ASS1: variants seen among roughly 807,000 people sequenced by gnomAD.
ASS1 encodes argininosuccinate synthase.
A neutral mutation model predicts 60.5 loss-of-function variants in ASS1; 58 were observed. That is an observed-to-expected ratio of 0.96 (90% CI 0.78 to 1.19). ASS1 has a LOEUF of 1.19. Ranked by LOEUF, ASS1 falls within the 50% of genes most tolerant of loss-of-function variation. The probability of loss-of-function intolerance (pLI) is 0.00; values close to 1 mark genes in which losing one functional copy is unlikely to be tolerated. For missense variants in ASS1, 454 were observed against 547.3 expected, an observed-to-expected ratio of 0.83 and a Z score of 1.70; for synonymous variants, 200 against 206.9, an observed-to-expected ratio of 0.97 and a Z score of 0.29.
chr9:130,487,879 T>C (rs1466486026), intron 11 of ASS1, among the ~76,000 whole-genome samples: 1 of 152,106 alleles, frequency 6.6e-6, no homozygotes, highest in Non-Finnish European at 1.5e-5. Context: ...GCCTCCCAAG[T>C]AGCTGGGGCT....
intron 8 of ASS1, among the ~76,000 whole-genome samples, chr9:130,475,773 G>A (rs375643788): frequency 4.0e-5 from 6 of 148,360 alleles, no homozygotes; most frequent in Admixed American, 1.3e-4. Context: ...GTGGGGGGGT[G>A]GGGGACGGAA....
intron 11 of ASS1, among the ~76,000 whole-genome samples, chr9:130,486,851 G>A (rs1284371317): frequency 6.6e-6 from 1 of 152,226 alleles, no homozygotes; most frequent in African/African-American, 2.4e-5. Flanking sequence ...CCAGGAACAC[G>A]GAGCCATGGT....
intron 4 of ASS1, among the ~76,000 whole-genome samples, chr9:130,461,281 C>G (rs1331003027): frequency 6.6e-6 from 1 of 152,194 alleles, no homozygotes; most frequent in Non-Finnish European, 1.5e-5. Context: ...CCACCCCGGA[C>G]CAGCCCACAT....
At chr9:130,456,698 C>T (rs1243607347) in intron 3 of ASS1, among the ~76,000 whole-genome samples, 1 of 152,166 alleles carries the variant, frequency 6.6e-6, no homozygotes, top group Non-Finnish European at 1.5e-5. Context: ...GCTTGTAATC[C>T]TAGCACTTTG....
intron 6 of ASS1, among the ~76,000 whole-genome samples, chr9:130,467,511 GAGCTCTCGCTGC>G (rs1274855634): frequency 1.3e-5 from 2 of 152,146 alleles, no homozygotes; most frequent in Non-Finnish European, 2.9e-5. Flanking sequence ...GGCTGGCTGT[GAGCTCTCGCTGC>G]AGCCAAGGTG....
At chr9:130,492,285 G>A (rs1399179403) in intron 12 of ASS1, among the ~76,000 whole-genome samples, 2 of 152,168 alleles carry the variant, frequency 1.3e-5, no homozygotes, top group Non-Finnish European at 2.9e-5. Context: ...CCAGGCTGAG[G>A]GCACGCCAGG....
At chr9:130,474,517 CGG>C (rs1845966726) in intron 8 of ASS1, among the ~76,000 whole-genome samples, 1 of 152,172 alleles carries the variant, frequency 6.6e-6, no homozygotes, top group Admixed American at 6.5e-5. Context: ...GCCCTCGTAC[CGG>C]CACCCTGGTT....
intron 11 of ASS1, 149 bp downstream of exon 11, chr9:130,480,598 T>C: frequency 1.2e-6 from 1 of 819,602 alleles, no homozygotes; most frequent in Non-Finnish European, 2.0e-6. Context: ...GAGACCGCAG[T>C]TTCCCTCCTG....
chr9:130,486,356 T>C (rs1424908255), intron 11 of ASS1, among the ~76,000 whole-genome samples: 2 of 152,100 alleles, frequency 1.3e-5, no homozygotes, highest in African/African-American at 2.4e-5. Flanking sequence ...CTCCCAAAGT[T>C]CTGGGATTAC....
At chr9:130,467,711 T>G (rs185892759) in intron 6 of ASS1, among the ~76,000 whole-genome samples, 2 of 152,338 alleles carry the variant, frequency 1.3e-5, no homozygotes, top group African/African-American at 4.8e-5. Context: ...GCAGAGCTAT[T>G]AAGGGAGCCG....
intron 4 of ASS1, among the ~76,000 whole-genome samples, chr9:130,463,553 C>G (rs528110158): frequency 1.3e-5 from 2 of 152,310 alleles, no homozygotes; most frequent in East Asian, 3.9e-4. Context: ...CAGTTTCCCT[C>G]TCTGTGCAGA....
Position 130,458,174 on chromosome 9 carries a change from A to G in ASS1, c.175-227A>G, listed in dbSNP as rs543605450. Among the ~76,000 whole-genome samples, 244 of 151,940 alleles carry G rather than the reference A, an allele frequency of 1.6e-3. 1 individual carries two copies. The highest frequency in any genetic ancestry group is 5.3e-3 in the African/African-American group (218 of 41,460). The stretch of plus-strand genomic sequence containing the variant: ...ACTTCGACTCAAAAAAAAAAAAAAA[A>G]AGAGAGCTATTGATTAGCAATGTCT... On this transcript the variant is annotated intron_variant, in intron 3 of 14. Transcript: ENST00000352480.
rs375712196 is a variant in ASS1, at chr9:130,470,787, G to A, written c.496-47G>A. ...AGGGCCCCTGGGACGGACCTCACGC[G>A]TCCTTCCAGCCGCCTTACCTCCACC... On this transcript the variant is annotated intron_variant, in intron 6 of 14. Transcript: ENST00000352480. The surrounding 1 kb of genome is among the most constrained non-coding windows in gnomAD (Gnocchi z 4.3). 7.3e-5 allele frequency: 115 copies of A among 1,585,796 alleles called. No individual in the cohort carries two copies. The highest frequency in any genetic ancestry group is 9.9e-5 in the South Asian group (9 of 90,500).
Position 130,476,624 on chromosome 9 carries a change from G to C in ASS1, c.598-247G>C. ...CTATTCTACCTCCAGCTGTGGGGGC[G>C]TCGAAGAAAAAGATGAGATCAAGTT... is the stretch of plus-strand genomic sequence containing the variant. On this transcript the variant is annotated intron_variant, in intron 8 of 14. Coordinates refer to ENST00000352480, the MANE Select transcript of ASS1 (RefSeq NM_054012.4). The surrounding 1 kb of genome is among the most constrained non-coding windows in gnomAD (Gnocchi z 4.9). 1 of 584,548 alleles carries C rather than the reference G, an allele frequency of 1.7e-6. No individual in the cohort carries two copies. The highest frequency in any genetic ancestry group is 3.0e-5 in the Admixed American group (1 of 33,842). The allele number at this position is 584,548 out of a possible 1,614,324, so 36.2% of individuals were successfully genotyped here.
At chr9:130,451,219 C>A (rs1293614784) in intron 1 of ASS1, among the ~76,000 whole-genome samples, 1 of 152,164 alleles carries the variant, frequency 6.6e-6, no homozygotes, top group Non-Finnish European at 1.5e-5. Flanking sequence ...AGACAGGAGG[C>A]CTTGGCGCCT....
At chr9:130,447,556 G>A (rs62582566) in intron 1 of ASS1, among the ~76,000 whole-genome samples, 4 of 152,222 alleles carry the variant, frequency 2.6e-5, no homozygotes, top group Non-Finnish European at 5.9e-5. Context: ...ACCTTGACGC[G>A]AGGCCACCTT....
chr9:130,498,588 C>T (rs1050688138), intron 13 of ASS1, among the ~76,000 whole-genome samples: 1 of 152,198 alleles, frequency 6.6e-6, no homozygotes, highest in Admixed American at 6.5e-5. Context: ...TGAATGAATA[C>T]TGTTAGTACT....
rs1405885635 is a variant in ASS1 at position 130,444,985 on chromosome 9, G to A, written c.-16G>A. 3 of 196,384 alleles carry A rather than the reference G, an allele frequency of 1.5e-5. No homozygotes were observed. The highest frequency in any genetic ancestry group is 2.8e-5 in the Non-Finnish European group (3 of 108,584). 12.2% of individuals were successfully genotyped at this position (196,384 alleles called of 1,614,324 possible). ...TCCTGCTCTGCCGCCTGCCACCGCT[G>A]CCCGAGCCCGGTAAGGAGCCCTCGG... On this transcript the variant is annotated 5_prime_UTR_variant, in exon 1 of 15. Coordinates refer to ENST00000352480, the MANE Select transcript of ASS1 (RefSeq NM_054012.4). This position sits in a 1 kb window ranked among gnomAD's most constrained non-coding sequence, Gnocchi z 4.7.
intron 1 of ASS1, 34 bp from the exon 2 acceptor site, chr9:130,452,190 A>G (rs1564901097): frequency 2.5e-6 from 4 of 1,586,754 alleles, no homozygotes; most frequent in Non-Finnish European, 3.5e-6. Context: ...TGGCTGTCTC[A>G]GGGTCACTCA....
Sources: allele counts gnomAD v4.1 joint callset (sites outside exome capture counted in the v4.1 genomes callset), GRCh38; gene constraint gnomAD v4.1.1; non-coding constraint Gnocchi (gnomAD v3.1); transcripts MANE v1.5; gene names NCBI Gene and HGNC (gene_info 2026-07-23, HGNC 2026-07-21).